ARID5B: variants seen among roughly 807,000 people sequenced by gnomAD.
ARID5B encodes the protein AT-rich interaction domain 5B, also known as AT-rich interactive domain-containing protein 5B.
ARID5B carries 13 observed loss-of-function variants against 97.2 expected under a neutral mutation model. The ratio of observed to expected loss-of-function variants is 0.13; its 90% CI spans 0.09 to 0.21. ARID5B has a LOEUF of 0.21. Among genes scored for constraint, ARID5B ranks in the 10% least tolerant of loss-of-function variants. The probability of loss-of-function intolerance (pLI) is 1.00; values close to 1 mark genes in which losing one functional copy is unlikely to be tolerated. For synonymous variants in ARID5B, 556 were observed against 570.3 expected, an observed-to-expected ratio of 0.97 and a Z score of 0.36; for missense variants, 1,210 against 1,465.3, an observed-to-expected ratio of 0.83 and a Z score of 2.84.
chr10:62,083,462 C>T (rs1055755350), intron 8 of ARID5B, among the ~76,000 whole-genome samples: 8 of 152,096 alleles, frequency 5.3e-5, no homozygotes, highest in Admixed American at 2.6e-4. Flanking sequence ...GGTCCTTGGG[C>T]GTCCATGGGG....
chr10:62,011,624 A>G (rs1044758090), intron 4 of ARID5B, among the ~76,000 whole-genome samples: 6 of 152,212 alleles, frequency 3.9e-5, no homozygotes, highest in African/African-American at 1.4e-4. Context: ...CAGTCTTGCC[A>G]TAAGAGGAAT....
At chr10:61,917,878 G>C (rs144933212) in intron 2 of ARID5B, among the ~76,000 whole-genome samples, 2,614 of 152,274 alleles carry the variant, frequency 0.017, 36 homozygotes, top group Non-Finnish European at 0.027. Context: ...CTTGAGGAGG[G>C]AGGCAGGGAC....
At chr10:61,991,579 A>T (rs1255260728) in intron 3 of ARID5B, among the ~76,000 whole-genome samples, 2 of 152,122 alleles carry the variant, frequency 1.3e-5, no homozygotes, top group African/African-American at 4.8e-5. Flanking sequence ...TTAATCCCTT[A>T]TCAGGTATAT....
In ARID5B at chr10:62,094,766, C is replaced by T. The variant is rs1234706164; in HGVS notation, c.*1736C>T. On this transcript the variant is annotated 3_prime_UTR_variant, in exon 10 of 10. Transcript: ENST00000279873. ...AGACCGCTTGGATGAACTCCCCAAC[C>T]CACTGTGCCCCTCCCGCAACACTAC... The T allele has an allele frequency of 4.3e-6, 1 of 231,822 alleles. No individual in the cohort carries two copies. The highest frequency in any genetic ancestry group is 8.5e-6 in the Non-Finnish European group (1 of 117,236). The allele number at this position is 231,822 out of a possible 1,614,324, so 14.4% of individuals were successfully genotyped here.
chr10:61,970,361 T>G (rs1838608353), intron 3 of ARID5B, among the ~76,000 whole-genome samples: 1 of 152,238 alleles, frequency 6.6e-6, no homozygotes, highest in Admixed American at 6.5e-5. Context: ...AACACGAAGG[T>G]GAATTCCAGT....
chr10:62,020,992 T>C (rs113978233), intron 4 of ARID5B, among the ~76,000 whole-genome samples: 1 of 146,070 alleles, frequency 6.8e-6, no homozygotes, highest in African/African-American at 2.6e-5. Context: ...TAATGAGCAT[T>C]TGTGGCAGTG....
At chr10:61,998,248 T>C (rs1195783776) in intron 3 of ARID5B, among the ~76,000 whole-genome samples, 1 of 152,252 alleles carries the variant, frequency 6.6e-6, no homozygotes, top group South Asian at 2.1e-4. Context: ...GTTCCATCAT[T>C]ATGTTCCGTC....
rs148014833 is a variant in ARID5B at position 61,950,456 on chromosome 10, G to A, written c.502+10048G>A. Among the ~76,000 whole-genome samples the A allele has an allele frequency of 4.5e-3, 691 of 152,294 alleles. 2 individuals are homozygous for A. The highest frequency in any genetic ancestry group is 0.015 in the African/African-American group (626 of 41,554). ...GGCCGAGGTGGGAGGATTGCTTGAG[G>A]CCAGGAGTTCAAGAGGAACCTGGGC... On this transcript the variant is annotated intron_variant, in intron 3 of 9. Transcript: ENST00000279873.
chr10:61,925,435 C>T (rs1386309454), intron 2 of ARID5B, among the ~76,000 whole-genome samples: 1 of 151,762 alleles, frequency 6.6e-6, no homozygotes, highest in Non-Finnish European at 1.5e-5. Flanking sequence ...ATTATGGCAA[C>T]CTGAAAGGAG....
chr10:61,921,745 C>G (rs920528507), intron 2 of ARID5B, among the ~76,000 whole-genome samples: 1 of 152,158 alleles, frequency 6.6e-6, no homozygotes, highest in Non-Finnish European at 1.5e-5. Context: ...GGCAACAGAG[C>G]CAATCACTTC....
chr10:61,925,608 C>T (rs1268230003), intron 2 of ARID5B, among the ~76,000 whole-genome samples: 1 of 152,076 alleles, frequency 6.6e-6, no homozygotes, highest in Non-Finnish European at 1.5e-5. Context: ...CAATTTTCTG[C>T]TCTCTGTGTA....
chr10:62,047,410 G>A (rs968969609), intron 4 of ARID5B, among the ~76,000 whole-genome samples: 4 of 152,086 alleles, frequency 2.6e-5, no homozygotes, highest in African/African-American at 4.8e-5. Context: ...ATATACACAC[G>A]TAAAAGTAAC....
At chr10:61,929,647 G>C (rs889601791) in intron 2 of ARID5B, among the ~76,000 whole-genome samples, 1 of 152,188 alleles carries the variant, frequency 6.6e-6, no homozygotes, top group Non-Finnish European at 1.5e-5. Flanking sequence ...TCTAGGGACT[G>C]GGCTCCTTTT....
At chr10:62,072,564 A>G (rs1459525444) in intron 8 of ARID5B, among the ~76,000 whole-genome samples, 1 of 152,192 alleles carries the variant, frequency 6.6e-6, no homozygotes, top group African/African-American at 2.4e-5. Flanking sequence ...ATGTGTGGCA[A>G]CACCAAAAAT....
intron 3 of ARID5B, among the ~76,000 whole-genome samples, chr10:61,955,866 G>A (rs901302200): frequency 1.3e-5 from 2 of 152,062 alleles, no homozygotes; most frequent in African/African-American, 4.8e-5. Flanking sequence ...GGCCAGGCTG[G>A]TCTCGAACTC....
At position 62,094,865 on chromosome 10, in the gene ARID5B, A is replaced by G. The variant is rs1840444818; in HGVS notation, c.*1835A>G. 1 of 231,068 alleles carries G rather than the reference A, an allele frequency of 4.3e-6. No homozygotes were observed. Among genetic ancestry groups the G allele is most frequent in the Non-Finnish European group, 8.6e-6 (1 of 116,566 alleles). 14.3% of individuals were successfully genotyped at this position (231,068 alleles called of 1,614,324 possible). A position where few individuals can be genotyped will look rare whatever the true frequency, so the allele number is the denominator to read the frequency against. ...CTTAATTCTGGGAAAATTGGTGACA[A>G]TTTTCAACTTCTAAATAGGTAACTC... On this transcript the variant is annotated 3_prime_UTR_variant, in exon 10 of 10. Coordinates refer to ENST00000279873, the MANE Select transcript of ARID5B (RefSeq NM_032199.3).
At chr10:62,040,328 C>G (rs1361297204) in intron 4 of ARID5B, among the ~76,000 whole-genome samples, 8 of 117,824 alleles carry the variant, frequency 6.8e-5, no homozygotes, top group South Asian at 6.4e-4. Flanking sequence ...TTTTTAGATA[C>G]TATTATAACA....
At position 62,013,342 on chromosome 10, in the gene ARID5B, C is replaced by G. The variant is rs536460716; in HGVS notation, c.733+13021C>G. Among the ~76,000 whole-genome samples the G allele has an allele frequency of 2.0e-5, 3 of 152,032 alleles. No individual in the cohort carries two copies. In the South Asian group the frequency reaches 6.2e-4, roughly 31 times the overall value. On this transcript the variant is annotated intron_variant, in intron 4 of 9. Coordinates refer to ENST00000279873, the MANE Select transcript of ARID5B (RefSeq NM_032199.3). ...TTTAATAGACAAAAATTGTACATGT[C>G]TATCATGTACAATGTGTTGTTTTGA...
At chr10:61,920,172 C>G (rs892705595) in intron 2 of ARID5B, among the ~76,000 whole-genome samples, 7 of 151,700 alleles carry the variant, frequency 4.6e-5, no homozygotes, top group African/African-American at 1.7e-4. Context: ...CCTTTTTTCT[C>G]TCTGCTTAAG....
Sources: gnomAD v4.1 joint callset for allele counts (sites outside exome capture counted in the v4.1 genomes callset) on GRCh38, gnomAD v4.1.1 for gene constraint, MANE v1.5 for transcripts, NCBI Gene and HGNC (gene_info 2026-07-23, HGNC 2026-07-21) for gene names.